PDE8B: variants seen among roughly 807,000 people sequenced by gnomAD.
PDE8B encodes the protein high affinity cAMP-specific and IBMX-insensitive 3',5'-cyclic phosphodiesterase 8B.
A neutral mutation model predicts 101.3 loss-of-function variants in PDE8B; 26 were observed. That is an observed-to-expected ratio of 0.26 (90% CI 0.19 to 0.36). The LOEUF (loss-of-function observed/expected upper bound fraction) is 0.36. Ranked by LOEUF, PDE8B falls within the 10% of genes least tolerant of loss-of-function variation. The pLI is 1.00. For missense variants in PDE8B, 810 were observed against 1,163.1 expected (o/e 0.70, Z 4.42); for synonymous variants, 424 against 429.3 (o/e 0.99, Z 0.15).
the PDE8B span, chr5:77,146,824 A>G: frequency 5.6e-6 from 2 of 357,880 alleles, no homozygotes; most frequent in South Asian, 5.5e-5. Context: ...CCCCTTTAGG[A>G]CGAAAAAGTA....
Position 77,417,600 on chromosome 5 carries a change from T to G in PDE8B, c.1912-629T>G, listed in dbSNP as rs368008591. ...CCCCGGATGCTCTGGTTTGTTTCTT[T>G]AATTACATAATGAGAGCTTTCGAAT... On this transcript the variant is annotated intron_variant, in intron 17 of 21. Coordinates refer to ENST00000264917, the MANE Select transcript of PDE8B (RefSeq NM_003719.5). Among the ~76,000 whole-genome samples, 18 of 152,358 alleles carry G rather than the reference T, an allele frequency of 1.2e-4. No individual in the cohort carries two copies. The South Asian group carries it at 3.5e-3, about 30-fold the overall frequency.
the PDE8B span, among the ~76,000 whole-genome samples, chr5:77,136,814 C>G: frequency 8.5e-5 from 13 of 152,142 alleles, no homozygotes; most frequent in African/African-American, 3.1e-4. Context: ...GATTCTAACC[C>G]CCATCATATA....
the PDE8B span, among the ~76,000 whole-genome samples, chr5:77,090,520 G>T: frequency 6.6e-6 from 1 of 152,160 alleles, no homozygotes; most frequent in Admixed American, 6.5e-5. Flanking sequence ...TGATACACCC[G>T]CCTCAACCTC....
chr5:77,150,027 C>G, the PDE8B span, among the ~76,000 whole-genome samples: 1 of 152,208 alleles, frequency 6.6e-6, no homozygotes, highest in African/African-American at 2.4e-5. Flanking sequence ...TCCAGACACT[C>G]TTGCTAGAGG....
chr5:77,328,944 T>G (rs1776588398), intron 3 of PDE8B, 54 bp from the exon 4 acceptor site: 3 of 1,367,368 alleles, frequency 2.2e-6, no homozygotes, highest in Non-Finnish European at 3.1e-6. Context: ...CCACATTCAT[T>G]TAATGTAACA....
At chr5:77,290,919 G>A in intron 1 of PDE8B, 2 of 1,608,414 alleles carry the variant, frequency 1.2e-6, no homozygotes, top group Non-Finnish European at 8.5e-7. Flanking sequence ...GCTGCTTGGT[G>A]CAATTTGTTC....
chr5:77,186,004 A>T, the PDE8B span, among the ~76,000 whole-genome samples: 2 of 152,196 alleles, frequency 1.3e-5, no homozygotes, highest in African/African-American at 4.8e-5. Flanking sequence ...TTGCAGGGTT[A>T]TTGTCCTGAT....
At chr5:77,309,553 TCA>T in intron 1 of PDE8B, among the ~76,000 whole-genome samples, 1 of 144,052 alleles carries the variant, frequency 6.9e-6, no homozygotes. Flanking sequence ...GGCAGTGAAC[TCA>T]AGAGAGATCA....
At chr5:77,118,095 C>T in the PDE8B span, among the ~76,000 whole-genome samples, 4 of 151,962 alleles carry the variant, frequency 2.6e-5, no homozygotes, top group Non-Finnish European at 4.4e-5. Context: ...CTACCACACC[C>T]GGCTAATTTT....
intron 10 of PDE8B, among the ~76,000 whole-genome samples, chr5:77,359,613 A>G (rs2150539891): frequency 6.6e-6 from 1 of 152,200 alleles, no homozygotes; most frequent in Non-Finnish European, 1.5e-5. Flanking sequence ...GAGGTGGAGA[A>G]TGGGAAAATC....
chr5:77,217,744 C>T (rs1438368176), intron 1 of PDE8B, among the ~76,000 whole-genome samples: 3 of 152,110 alleles, frequency 2.0e-5, no homozygotes, highest in African/African-American at 4.8e-5. Flanking sequence ...GCCACGTTAC[C>T]CAGGCTGGTC....
the PDE8B span, among the ~76,000 whole-genome samples, chr5:77,154,058 AT>A: frequency 6.6e-6 from 1 of 152,200 alleles, no homozygotes; most frequent in South Asian, 2.1e-4. Context: ...AGGAAGAAAC[AT>A]TTCATAATTG....
intron 11 of PDE8B, among the ~76,000 whole-genome samples, chr5:77,402,353 ATATT>A (rs1792464186): frequency 6.6e-6 from 1 of 152,126 alleles, no homozygotes; most frequent in Non-Finnish European, 1.5e-5. Flanking sequence ...AGTATAATAA[ATATT>A]TTAAGTTAGA....
intron 1 of PDE8B, chr5:77,290,718 A>G (rs1490253345): frequency 6.7e-7 from 1 of 1,497,712 alleles, no homozygotes; most frequent in East Asian, 2.3e-5. Flanking sequence ...CCATGCACTG[A>G]TTGAGCAGTG....
At position 77,262,305 on chromosome 5, in the gene PDE8B, A is replaced by T. The variant is rs572500310; in HGVS notation, c.340-49689A>T. Among the ~76,000 whole-genome samples, 4 of 152,304 alleles carry T rather than the reference A, an allele frequency of 2.6e-5. No homozygotes were observed. In the South Asian group the frequency reaches 8.3e-4, roughly 32 times the overall value. Reference sequence around the variant, plus strand: ...AGAGCCTCTTTATGCTTCTTCTGACATGTCCTCTAGTACTAAAGTGGTCAT... The same window carrying T: ...AGAGCCTCTTTATGCTTCTTCTGACTTGTCCTCTAGTACTAAAGTGGTCAT... On this transcript the variant is annotated intron_variant, in intron 1 of 21. Transcript: ENST00000264917.
the PDE8B span, among the ~76,000 whole-genome samples, chr5:77,164,448 A>C: frequency 1.3e-5 from 2 of 152,340 alleles, no homozygotes; most frequent in African/African-American, 2.4e-5. Context: ...GAAGAAAGAA[A>C]AGCCAAGTGT....
At chr5:77,331,938 A>G (rs1272172560) in intron 5 of PDE8B, among the ~76,000 whole-genome samples, 1 of 152,216 alleles carries the variant, frequency 6.6e-6, no homozygotes, top group African/African-American at 2.4e-5. Context: ...ACATCAGCAA[A>G]GAAAAATTCT....
chr5:77,157,409 A>G, the PDE8B span, among the ~76,000 whole-genome samples: 1 of 152,206 alleles, frequency 6.6e-6, no homozygotes, highest in Non-Finnish European at 1.5e-5. Context: ...CCACTAAAAC[A>G]TTAGAAAGGA....
chr5:77,309,429 G>A (rs758773046), intron 1 of PDE8B, among the ~76,000 whole-genome samples: 8 of 151,962 alleles, frequency 5.3e-5, no homozygotes, highest in Non-Finnish European at 7.4e-5. Context: ...TTCTATTTAT[G>A]ATTTCATTCA....
Sources: allele counts gnomAD v4.1 joint callset (sites outside exome capture counted in the v4.1 genomes callset), GRCh38; gene constraint gnomAD v4.1.1; transcripts MANE v1.5; gene names NCBI Gene and HGNC (gene_info 2026-07-23, HGNC 2026-07-21).